Variants in LPIN2 observed in about 807,000 individuals in gnomAD.
LPIN2 encodes the protein phosphatidate phosphatase LPIN2.
In LPIN2, 55 loss-of-function variants were observed where a neutral mutation model predicts 111.4. The observed-to-expected ratio is 0.49, with a 90% CI of 0.40 to 0.62. LPIN2 has a LOEUF of 0.62. LPIN2 is among the 20% of genes least tolerant of loss of function. The probability of loss-of-function intolerance (pLI) is 0.00; values close to 1 mark genes in which losing one functional copy is unlikely to be tolerated. For missense variants in LPIN2, 992 were observed against 1,112.1 expected, an observed-to-expected ratio of 0.89 and a Z score of 1.54; for synonymous variants, 425 against 414.0, an observed-to-expected ratio of 1.03 and a Z score of -0.32.
intron 1 of LPIN2, among the ~76,000 whole-genome samples, chr18:2,966,086 C>G (rs1323575008): frequency 6.6e-6 from 1 of 152,040 alleles, no homozygotes; most frequent in Non-Finnish European, 1.5e-5. Context: ...CAGGAATGTG[C>G]TACCATGCCC....
intron 1 of LPIN2, among the ~76,000 whole-genome samples, chr18:2,965,414 C>T (rs556069004): frequency 6.6e-6 from 1 of 152,098 alleles, no homozygotes; most frequent in Non-Finnish European, 1.5e-5. Flanking sequence ...AATGAATAAT[C>T]ACTATATGGA....
At chr18:2,968,945 T>C (rs2077856510) in intron 1 of LPIN2, among the ~76,000 whole-genome samples, 2 of 152,162 alleles carry the variant, frequency 1.3e-5, no homozygotes, top group African/African-American at 4.8e-5. Flanking sequence ...AGCTCTATGG[T>C]AGAAGAGACA....
At chr18:2,968,217 C>A (rs544605051) in intron 1 of LPIN2, among the ~76,000 whole-genome samples, 1 of 152,318 alleles carries the variant, frequency 6.6e-6, no homozygotes, top group East Asian at 1.9e-4. Context: ...CCTGAATACA[C>A]CGAGTATCCA....
intron 1 of LPIN2, among the ~76,000 whole-genome samples, chr18:2,967,279 T>A (rs953852232): frequency 2.6e-5 from 4 of 152,192 alleles, no homozygotes; most frequent in Non-Finnish European, 5.9e-5. Flanking sequence ...CAAGGTCATG[T>A]GGTGTCCCTG....
At chr18:2,987,147 G>C (rs563843866) in intron 1 of LPIN2, among the ~76,000 whole-genome samples, 11 of 152,262 alleles carry the variant, frequency 7.2e-5, no homozygotes, top group South Asian at 6.2e-4. Flanking sequence ...AAAAAATCCT[G>C]TTGAAATGCA....
chr18:3,003,892 G>A lies in LPIN2; in HGVS notation c.-10+9195C>T, dbSNP rs60749008. Among the ~76,000 whole-genome samples the A allele has an allele frequency of 5.3e-5, 8 of 152,296 alleles. No individual in the cohort carries two copies. In the East Asian group the frequency reaches 5.8e-4, roughly 11 times the overall value. On this transcript the variant is annotated intron_variant, in intron 1 of 19. Coordinates refer to ENST00000677752, the MANE Select transcript of LPIN2 (RefSeq NM_001375808.2). ...TCTTGCAGAGAGCCTATAAATGAACGTGTAAGTAGGAGAGATATCGCTGAA... is the reference window on the plus strand; with the variant it reads ...TCTTGCAGAGAGCCTATAAATGAACATGTAAGTAGGAGAGATATCGCTGAA...
chr18:2,921,601 T>G lies in LPIN2; in HGVS notation c.2374A>C (p.Asn792His). The change falls in exon 18 of 20, where the codon AAT (asparagine) becomes CAT (histidine). Residue 792 changes from asparagine to histidine, a missense_variant. Around this residue, in one of 4 missense-constraint regions of LPIN2, gnomAD observed 185 missense variants for 186.5 expected, o/e 0.99. Coordinates refer to ENST00000677752, the MANE Select transcript of LPIN2 (RefSeq NM_001375808.2). The part of the protein sequence containing the change: ...KPEKFKIECL[N>H]DIKNLFAPSK... ...GGGGCAAACAGATTCTTGATATCAT[T>G]TAGACACTCAATTTTGAACTTCTCT... 1 of 1,614,122 alleles carries G rather than the reference T, an allele frequency of 6.2e-7. No individual in the cohort carries two copies. The highest frequency in any genetic ancestry group is 8.5e-7 in the Non-Finnish European group (1 of 1,179,978).
At chr18:2,976,457 C>A (rs749211815) in intron 1 of LPIN2, among the ~76,000 whole-genome samples, 1 of 152,060 alleles carries the variant, frequency 6.6e-6, no homozygotes, top group Non-Finnish European at 1.5e-5. Flanking sequence ...GCAAGCTACA[C>A]GTGGAAAAAA....
intron 1 of LPIN2, among the ~76,000 whole-genome samples, chr18:2,966,744 T>A (rs543264120): frequency 6.6e-6 from 1 of 152,262 alleles, no homozygotes; most frequent in African/African-American, 2.4e-5. Context: ...CCTCCAAGTC[T>A]CCTCACACCA....
chr18:2,987,832 A>G (rs1235922625), intron 1 of LPIN2, among the ~76,000 whole-genome samples: 1 of 151,964 alleles, frequency 6.6e-6, no homozygotes, highest in Non-Finnish European at 1.5e-5. Flanking sequence ...TGAGGTCAGG[A>G]GTTCAAGACC....
At chr18:2,954,737 T>A (rs2077584105) in intron 2 of LPIN2, 138 bp from the exon 3 acceptor site, 1 of 710,270 alleles carries the variant, frequency 1.4e-6, no homozygotes, top group Admixed American at 2.0e-5. Flanking sequence ...GAAACACTGC[T>A]ACTTGCCCCT....
chr18:2,945,675 C>T (rs2077440201), intron 4 of LPIN2: 5 of 1,404,374 alleles, frequency 3.6e-6, no homozygotes, highest in Middle Eastern at 4.9e-4. Flanking sequence ...TTAATAACTT[C>T]GCTTTACATC....
chr18:2,936,351 G>A (rs561382300), intron 7 of LPIN2, among the ~76,000 whole-genome samples: 6 of 152,208 alleles, frequency 3.9e-5, no homozygotes, highest in African/African-American at 1.4e-4. Context: ...ACCAAGTATC[G>A]ATGGTTGGCT....
intron 16 of LPIN2, 54 bp downstream of exon 16, chr18:2,923,721 C>CTTT: frequency 1.4e-6 from 2 of 1,460,264 alleles, no homozygotes; most frequent in Admixed American, 1.7e-5. Context: ...TTCTATAGTT[C>CTTT]TTAAAGCAAG....
intron 7 of LPIN2, among the ~76,000 whole-genome samples, chr18:2,936,424 A>C (rs959559468): frequency 2.0e-5 from 3 of 152,178 alleles, no homozygotes. Context: ...AGTGAGGAAG[A>C]ACTGTTGAAC....
At chr18:2,927,090 T>C (rs2077144159) in intron 12 of LPIN2, among the ~76,000 whole-genome samples, 1 of 152,146 alleles carries the variant, frequency 6.6e-6, no homozygotes, top group South Asian at 2.1e-4. Context: ...ACTTGTTAGG[T>C]CCCCAGCTTC....
chr18:2,983,052 C>T (rs936585014), intron 1 of LPIN2, among the ~76,000 whole-genome samples: 1 of 152,208 alleles, frequency 6.6e-6, no homozygotes, highest in African/African-American at 2.4e-5. Context: ...CCTGCCCAAT[C>T]ACATGATGGC....
At chr18:2,924,202 T>G (rs1442833045) in intron 15 of LPIN2, among the ~76,000 whole-genome samples, 196 bp downstream of exon 15, 1 of 152,214 alleles carries the variant, frequency 6.6e-6, no homozygotes, top group Non-Finnish European at 1.5e-5. Context: ...ACATTTGTTA[T>G]GCACCCTCAC....
chr18:2,933,713 CCACAGAGTAG>C (rs1301366904), intron 8 of LPIN2, among the ~76,000 whole-genome samples: 1 of 152,138 alleles, frequency 6.6e-6, no homozygotes, highest in East Asian at 1.9e-4. Flanking sequence ...TTTTTTCTAA[CCACAGAGTAG>C]CAGTTTAACA....
Sources: allele counts gnomAD v4.1 joint callset (sites outside exome capture counted in the v4.1 genomes callset), GRCh38; gene constraint gnomAD v4.1.1; regional missense constraint gnomAD v4.1.1; transcripts MANE v1.5; gene names NCBI Gene and HGNC (gene_info 2026-07-23, HGNC 2026-07-21).